TCF3: variants seen among roughly 807,000 people sequenced by gnomAD.
TCF3 encodes transcription factor E2-alpha.
Under a neutral mutation model 72.3 loss-of-function variants are expected in TCF3, and 54 were observed. The observed-to-expected ratio is 0.75, with a 90% CI of 0.60 to 0.94. The LOEUF is 0.94. Among genes scored for constraint, TCF3 ranks in the 40% least tolerant of loss-of-function variants. The pLI is 0.00. For missense variants in TCF3, 1,078 were observed against 934.4 expected, an observed-to-expected ratio of 1.15 and a Z score of -2.00; for synonymous variants, 525 against 412.6, an observed-to-expected ratio of 1.27 and a Z score of -3.30.
Position 1,621,324 on chromosome 19 carries a change from C to T in TCF3, c.956-133G>A, listed in dbSNP as rs1020752650. ...GAGCAGCCTGACTCGGGTCCGGTTT[C>T]TGTCTGACCCCCTGAAACCAGCCTC... On this transcript the variant is annotated intron_variant, in intron 11 of 18. Coordinates refer to ENST00000262965, the MANE Select transcript of TCF3 (RefSeq NM_003200.5). 9 of 1,121,888 alleles carry T rather than the reference C, an allele frequency of 8.0e-6. No individual in the cohort carries two copies. In the Admixed American group the frequency reaches 1.2e-4, roughly 16 times the overall value. 69.5% of individuals were successfully genotyped at this position (1,121,888 alleles called of 1,614,324 possible).
Position 1,626,693 on chromosome 19 carries a change from G to A in TCF3, c.366+666C>T, listed in dbSNP as rs1478883939. Among the ~76,000 whole-genome samples the A allele has an allele frequency of 3.9e-5, 6 of 152,202 alleles. No homozygotes were observed. In the South Asian group the frequency reaches 1.2e-3, roughly 31 times the overall value. On this transcript the variant is annotated intron_variant, in intron 6 of 18. Transcript: ENST00000262965. ...TGTCTGTAAAATGGGCACGTAGGCC[G>A]CGGCCCCTCGTTGCGGGGACTGATA...
chr19:1,610,918 G>T lies in TCF3; in HGVS notation c.*789C>A. ...TGTCCCCGTTCTGTCTGTGTGCAGT[G>T]GCTTCCGGGGGGGGGGGGGGACGGG... On this transcript the variant is annotated 3_prime_UTR_variant, in exon 19 of 19. Transcript: ENST00000262965. The T allele has an allele frequency of 5.4e-6, 1 of 186,470 alleles. No homozygotes were observed. Among genetic ancestry groups the T allele is most frequent in the South Asian group, 2.6e-4 (1 of 3,824 alleles). 11.6% of individuals were successfully genotyped at this position (186,470 alleles called of 1,614,324 possible). A position where few individuals can be genotyped will look rare whatever the true frequency, so the allele number is the denominator to read the frequency against.
At position 1,646,714 on chromosome 19, in the gene TCF3, G is replaced by A. The variant is rs532906490; in HGVS notation, c.73-287C>T. The stretch of plus-strand genomic sequence containing the variant: ...GCAGAGTCCCTGCCGCTGAAAACTC[G>A]CTGTTCCCCCTGCCTTTGCTCTGGG... On this transcript the variant is annotated intron_variant, in intron 2 of 18. Transcript: ENST00000262965. Among the ~76,000 whole-genome samples the A allele has an allele frequency of 1.2e-4, 19 of 152,294 alleles. No homozygotes were observed. The East Asian group carries it at 1.9e-3, about 15-fold the overall frequency.
intron 3 of TCF3, 112 bp downstream of exon 3, chr19:1,646,243 T>C (rs2066075834): frequency 3.4e-6 from 4 of 1,191,018 alleles, no homozygotes; most frequent in Admixed American, 2.2e-5. Flanking sequence ...GTGTGGCCCT[T>C]TCCCCATTGT....
At chr19:1,617,039 G>C (rs778291683) in intron 16 of TCF3, among the ~76,000 whole-genome samples, 1 of 152,202 alleles carries the variant, frequency 6.6e-6, no homozygotes, top group African/African-American at 2.4e-5. Flanking sequence ...GTGGAAGTCC[G>C]CTTCAGCACA....
At position 1,614,961 on chromosome 19, in the gene TCF3, G is replaced by C. The variant is rs886677500; in HGVS notation, c.1822+324C>G. Among the ~76,000 whole-genome samples the C allele has an allele frequency of 6.6e-6, 1 of 152,240 alleles. No homozygotes were observed. Among genetic ancestry groups the C allele is most frequent in the Admixed American group, 6.5e-5 (1 of 15,300 alleles). ...GGTTCTGGGCTTCCCAAGAAAGGAG[G>C]ACCACGGCGAGTGGGAGCCCCGTGG... is the stretch of plus-strand genomic sequence containing the variant. On this transcript the variant is annotated intron_variant, in intron 18 of 18. Transcript: ENST00000262965. The surrounding 1 kb of genome is among the most constrained non-coding windows in gnomAD (Gnocchi z 5.6).
At chr19:1,640,929 A>G (rs1021794970) in intron 3 of TCF3, among the ~76,000 whole-genome samples, 1 of 152,178 alleles carries the variant, frequency 6.6e-6, no homozygotes, top group African/African-American at 2.4e-5. Context: ...TGGGTGGATC[A>G]CTGGAGGTCA....
rs1052275793 is a variant in TCF3, at chr19:1,652,561, C to T, written c.-301G>A. ...CCGCCGCCGCGTCGGCTCCGGCCCG[C>T]TACGCCCGCAGCCGCCGCCGCTGCC... On this transcript the variant is annotated 5_prime_UTR_variant, in exon 1 of 19. An upstream open reading frame in the 5' UTR loses its in-frame stop. Coordinates refer to ENST00000262965, the MANE Select transcript of TCF3 (RefSeq NM_003200.5). The T allele has an allele frequency of 2.9e-4, 43 of 146,360 alleles. No homozygotes were observed. Among genetic ancestry groups the T allele is most frequent in the African/African-American group, 9.9e-4 (40 of 40,574 alleles). The allele number at this position is 146,360 out of a possible 1,614,324, so 9.1% of individuals were successfully genotyped here.
Position 1,650,243 on chromosome 19 carries a change from G to C in TCF3, c.6C>G (p.Asn2Lys). The change falls in exon 2 of 19, where the codon AAC (asparagine) becomes AAG (lysine). Residue 2 changes from asparagine (N) to lysine (K), a missense_variant. Transcript: ENST00000262965. M[N>K]QPQRMAPVGT... ...CCACAGGCGCCATCCTCTGCGGCTG[G>C]TTCATTCTCCTGGGGCCAGGGCGGG... is the stretch of plus-strand genomic sequence containing the variant. 6.4e-7 allele frequency: 1 copy of C among 1,564,308 alleles called. No individual in the cohort carries two copies. The highest frequency in any genetic ancestry group is 2.3e-5 in the East Asian group (1 of 43,266).
At chr19:1,632,950 C>T (rs1201679082) in intron 3 of TCF3, among the ~76,000 whole-genome samples, 1 of 152,244 alleles carries the variant, frequency 6.6e-6, no homozygotes, top group African/African-American at 2.4e-5. Context: ...CAGAGGCTCA[C>T]CCATCGGGCA....
At chr19:1,629,170 G>A (rs1345698610) in intron 5 of TCF3, among the ~76,000 whole-genome samples, 4 of 151,876 alleles carry the variant, frequency 2.6e-5, no homozygotes, top group African/African-American at 9.7e-5. Flanking sequence ...CCAGGCCCCT[G>A]CCCTTCCTGA....
intron 3 of TCF3, among the ~76,000 whole-genome samples, chr19:1,644,226 C>T (rs190903217): frequency 6.6e-6 from 1 of 152,338 alleles, no homozygotes; most frequent in East Asian, 1.9e-4. Context: ...GAGCAGGTGC[C>T]CATCTTGCGG....
In TCF3 at chr19:1,619,435, C is replaced by T. The variant is rs758863286; in HGVS notation, c.1207G>A (p.Val403Met). 16 of 1,588,478 alleles carry T rather than the reference C, an allele frequency of 1.0e-5. No individual in the cohort carries two copies. In the Admixed American group the frequency reaches 1.2e-4, roughly 12 times the overall value. Reference sequence around the variant, plus strand: ...GTGCCCACGGCGTGGCTGCGGAGCACGTGGATGGCCTCGTCCAGGTGGTCT... The same window carrying T: ...GTGCCCACGGCGTGGCTGCGGAGCATGTGGATGGCCTCGTCCAGGTGGTCT... ...IEDHLDEAIH[V>M]LRSHAVGTAG... Residue 403 changes from valine (V) to methionine (M), a missense_variant, in exon 15 of 19, where the codon GTG (valine) becomes ATG (methionine). Transcript: ENST00000262965.
intron 2 of TCF3, among the ~76,000 whole-genome samples, chr19:1,647,627 C>T (rs1568514481): frequency 2.0e-5 from 3 of 152,196 alleles, no homozygotes; most frequent in South Asian, 2.1e-4. Context: ...GGCTCCGGTG[C>T]ACCCAGCCTC....
chr19:1,622,347 G>A lies in TCF3; in HGVS notation c.618C>T (p.Pro206=). The change falls in exon 9 of 19, where the codon CCC becomes CCT. Residue 206 remains proline, a synonymous_variant. Transcript: ENST00000262965. ...AGAAGGGGGCGGGATAGGTGCTGCTGGGGGTCTTGGCGGACGGGTAGGCGG... is the reference window on the plus strand; with the variant it reads ...AGAAGGGGGCGGGATAGGTGCTGCTAGGGGTCTTGGCGGACGGGTAGGCGG... ...DATAYPSAKT[P]SSTYPAPFYV... is the part of the protein sequence containing the mutation. 2.6e-6 allele frequency: 4 copies of A among 1,535,160 alleles called. No homozygotes were observed. Among genetic ancestry groups the A allele is most frequent in the Non-Finnish European group, 3.5e-6 (4 of 1,141,148 alleles).
intron 3 of TCF3, among the ~76,000 whole-genome samples, chr19:1,636,162 ATT>A (rs377257097): frequency 1.7e-4 from 26 of 150,758 alleles, no homozygotes; most frequent in African/African-American, 5.6e-4. Flanking sequence ...ATTTTAAAAA[ATT>A]TTTTTTTTCT....
Position 1,619,092 on chromosome 19 carries a change from C to T in TCF3, c.1450+19G>A. 1.9e-6 allele frequency: 3 copies of T among 1,599,048 alleles called. No homozygotes were observed. Among genetic ancestry groups the T allele is most frequent in the Non-Finnish European group, 2.5e-6 (3 of 1,179,640 alleles). ...CAACTGGAACCAGGAGTCGGACAGT[C>T]CCAAGCTCAAGGGCTTACCACTGTA... On this transcript the variant is annotated intron_variant, in intron 16 of 18. Transcript: ENST00000262965.
rs200005697 is a variant in TCF3 at position 1,615,336 on chromosome 19, T to C, written c.1771A>G (p.Ile591Val). 5 of 1,612,154 alleles carry C rather than the reference T, an allele frequency of 3.1e-6. No individual in the cohort carries two copies. In the Admixed American group the frequency reaches 6.7e-5, roughly 22 times the overall value. The change falls in exon 18 of 19, where the codon ATC becomes GTC. Residue 591 changes from isoleucine to valine, a missense_variant. Physicochemically the swap from Ile to Val is conservative, Grantham distance 29. Coordinates refer to ENST00000262965, the MANE Select transcript of TCF3 (RefSeq NM_003200.5). The surrounding 1 kb of genome is among the most constrained non-coding windows in gnomAD (Gnocchi z 7.3). ...ATGACCGAGACAGCCTGGTGCAGGA[T>C]GAGCAGTTTGGTCTGGGGCTTCTCG... ...NSEKPQTKLLILHQAVSVILN... is the reference protein window; with the variant it reads ...NSEKPQTKLLVLHQAVSVILN...
At chr19:1,651,804 C>G (rs377727265) in intron 1 of TCF3, among the ~76,000 whole-genome samples, 29 of 151,736 alleles carry the variant, frequency 1.9e-4, no homozygotes, top group South Asian at 1.7e-3. Flanking sequence ...CGCGCGCCCC[C>G]CCCCGGCCCG....
Sources: gnomAD v4.1 joint callset for allele counts (sites outside exome capture counted in the v4.1 genomes callset) on GRCh38, gnomAD v4.1.1 for gene constraint, Gnocchi (gnomAD v3.1) non-coding constraint, MANE v1.5 for transcripts, NCBI Gene and HGNC (gene_info 2026-07-23, HGNC 2026-07-21) for gene names.